Variants in EIF3B observed in about 807,000 individuals in gnomAD.
The protein encoded by EIF3B is eukaryotic translation initiation factor 3 subunit B.
A neutral mutation model predicts 104.6 loss-of-function variants in EIF3B; 10 were observed. The ratio of observed to expected loss-of-function variants is 0.10; its 90% CI spans 0.06 to 0.16. The LOEUF (loss-of-function observed/expected upper bound fraction) is 0.16. Ranked by LOEUF, EIF3B falls within the 10% of genes least tolerant of loss-of-function variation. The pLI is 1.00. For synonymous variants in EIF3B, 542 were observed against 417.2 expected, an observed-to-expected ratio of 1.30 and a Z score of -3.65; for missense variants, 1,014 against 1,087.9, an observed-to-expected ratio of 0.93 and a Z score of 0.96.
At position 2,364,386 on chromosome 7, in the gene EIF3B, G is replaced by A. The variant is rs751079442; in HGVS notation, c.1014G>A (p.Thr338=). The part of the protein sequence containing the change: ...SIEERARWTE[T]YVRWSPKGTY... ...TTTTTCTGCAGAGATGGACAGAGAC[G>A]TATGTGCGTTGGTCTCCTAAGGGCA... Residue 338 remains threonine (T), a synonymous_variant, in exon 6 of 19, where the codon ACG becomes ACA. Coordinates refer to ENST00000360876, the MANE Select transcript of EIF3B (RefSeq NM_001037283.2). 60 of 1,605,542 alleles carry A rather than the reference G, an allele frequency of 3.7e-5. No homozygotes were observed. Among genetic ancestry groups the A allele is most frequent in the Admixed American group, 8.6e-5 (5 of 58,128 alleles).
At chr7:2,368,938 A>G (rs999940439) in intron 9 of EIF3B, among the ~76,000 whole-genome samples, 2 of 152,260 alleles carry the variant, frequency 1.3e-5, no homozygotes, top group African/African-American at 4.8e-5. Flanking sequence ...AAAACAGCAC[A>G]TAGCGTGTAT....
At position 2,378,325 on chromosome 7, in the gene EIF3B, G is replaced by A. The variant is rs1297864256; in HGVS notation, c.2155-364G>A. ...AGGAACAGGCGAGCGTTCCTGGGAT[G>A]CTGTGTTGTGTGAATGACCCTTGGT... On this transcript the variant is annotated intron_variant, in intron 15 of 18. Transcript: ENST00000360876. 1.2e-5 allele frequency: 3 copies of A among 251,614 alleles called. No homozygotes were observed. The South Asian group carries it at 1.4e-4, about 12-fold the overall frequency. 15.6% of individuals were successfully genotyped at this position (251,614 alleles called of 1,614,324 possible). A position where few individuals can be genotyped will look rare whatever the true frequency, so the allele number is the denominator to read the frequency against.
Position 2,355,190 on chromosome 7 carries a change from A to T in EIF3B, c.269A>T (p.Glu90Val). 1 of 1,475,210 alleles carries T rather than the reference A, an allele frequency of 6.8e-7. No homozygotes were observed. The allele number at this position is 1,475,210 out of a possible 1,614,324, so 91.4% of individuals were successfully genotyped here. ...GAGTCGCCCTCGCCGCCGGCCGCCG[A>T]GGAGCTGCCCGGGTCGCATGCTGAG... ...PSESPSPPAA[E>V]ELPGSHAEPP... Residue 90 changes from glutamate (E) to valine (V), a missense_variant, in exon 1 of 19, where the codon GAG becomes GTG. This residue lies in a region of EIF3B where 488 missense variants were observed against 404.3 expected (regional missense o/e 1.21). Transcript: ENST00000360876.
rs995469072 is a variant in EIF3B, at chr7:2,354,889, C to G, written c.-33C>G. ...CTGGGAGAGTCGGAAGCGCGGCGGC[C>G]GCGGAGCCCTGCGAGTAGGCAGCGT... On this transcript the variant is annotated 5_prime_UTR_variant, in exon 1 of 19. Transcript: ENST00000360876. 1.7e-6 allele frequency: 2 copies of G among 1,161,514 alleles called. No homozygotes were observed. The highest frequency in any genetic ancestry group is 4.4e-5 in the East Asian group (1 of 22,978). The allele number at this position is 1,161,514 out of a possible 1,614,324, so 72.0% of individuals were successfully genotyped here.
In EIF3B at chr7:2,363,706, C is replaced by A. The variant is rs891517258; in HGVS notation, c.945C>A (p.Arg315=). ...GTGTGATTTTTGAGAGTGGAGACCGCACTTCCATATTCTGGAATGACGTAA... is the reference window on the plus strand; with the variant it reads ...GTGTGATTTTTGAGAGTGGAGACCGAACTTCCATATTCTGGAATGACGTAA... ...QYSVIFESGD[R]TSIFWNDVKD... is the part of the protein sequence containing the mutation. The change falls in exon 5 of 19, where the codon CGC becomes CGA. Residue 315 remains arginine, a synonymous_variant. Coordinates refer to ENST00000360876, the MANE Select transcript of EIF3B (RefSeq NM_001037283.2). 3.2e-5 allele frequency: 51 copies of A among 1,614,006 alleles called. No individual in the cohort carries two copies. Among genetic ancestry groups the A allele is most frequent in the Non-Finnish European group, 4.2e-5 (50 of 1,180,018 alleles).
chr7:2,354,786 C>A, upstream of EIF3B: 3 of 889,500 alleles, frequency 3.4e-6, no homozygotes, highest in Non-Finnish European at 4.1e-6. Context: ...GGGTGCGCCC[C>A]CCGCCCCGCG....
intron 1 of EIF3B, among the ~76,000 whole-genome samples, chr7:2,357,156 C>T (rs1238953524): frequency 3.3e-5 from 5 of 152,182 alleles, no homozygotes; most frequent in South Asian, 2.1e-4. Context: ...TATTTGAGCC[C>T]ATCGAATTCA....
chr7:2,358,938 A>G (rs1179495509), intron 1 of EIF3B, among the ~76,000 whole-genome samples: 1 of 152,076 alleles, frequency 6.6e-6, no homozygotes, highest in East Asian at 1.9e-4. Flanking sequence ...ATTTAATCTC[A>G]GTGGGGGTGG....
intron 10 of EIF3B, 30 bp downstream of exon 10, chr7:2,369,712 T>G (rs770205427): frequency 4.6e-5 from 74 of 1,604,838 alleles, no homozygotes; most frequent in Non-Finnish European, 6.2e-5. Context: ...AACTGACGAT[T>G]CCTTATCCTG....
intron 1 of EIF3B, 84 bp downstream of exon 1, chr7:2,355,504 C>A: frequency 7.2e-7 from 1 of 1,395,280 alleles, no homozygotes; most frequent in East Asian, 2.9e-5. Context: ...CGGGCTGTGC[C>A]ACCGGTTCGT....
rs3213656 is a variant in EIF3B at position 2,378,898 on chromosome 7, A to G, written c.2232+132A>G. 1.9e-3 allele frequency: 1,699 copies of G among 874,614 alleles called. 7 individuals are homozygous for G. The highest frequency in any genetic ancestry group is 0.017 in the East Asian group (658 of 37,756). The allele number at this position is 874,614 out of a possible 1,614,324, so 54.2% of individuals were successfully genotyped here. A position where few individuals can be genotyped will look rare whatever the true frequency, so the allele number is the denominator to read the frequency against. On this transcript the variant is annotated intron_variant, in intron 16 of 18. Coordinates refer to ENST00000360876, the MANE Select transcript of EIF3B (RefSeq NM_001037283.2). ...GAAGACACTGGTTCTGTTCCCCCCC[A>G]GGAGGGATGCACTGGGGAACTGGGG...
chr7:2,374,313 C>T (rs883667), intron 12 of EIF3B: 232,926 of 479,868 alleles, frequency 0.49, 60,929 homozygotes, highest in East Asian at 0.75. Flanking sequence ...TTTGAAATAC[C>T]CCTGTCGCAT....
intron 1 of EIF3B, among the ~76,000 whole-genome samples, chr7:2,357,270 G>C (rs1025233328): frequency 5.3e-5 from 8 of 152,148 alleles, no homozygotes; most frequent in Admixed American, 4.6e-4. Context: ...GGTCCTCAGC[G>C]GGCCCACGTG....
rs753397318 is a variant in EIF3B at position 2,372,083 on chromosome 7, G to A, written c.1687+234G>A. 51 of 488,962 alleles carry A rather than the reference G, an allele frequency of 1.0e-4. 2 individuals are homozygous for A. The Admixed American group carries it at 1.1e-3, about 11-fold the overall frequency. 30.3% of individuals were successfully genotyped at this position (488,962 alleles called of 1,614,324 possible). A position where few individuals can be genotyped will look rare whatever the true frequency, so the allele number is the denominator to read the frequency against. On this transcript the variant is annotated intron_variant, in intron 11 of 18. Coordinates refer to ENST00000360876, the MANE Select transcript of EIF3B (RefSeq NM_001037283.2). Reference sequence around the variant, plus strand: ...TTAGCCAGGTGTGGTGGTGCGCACCGATAGTCCCAGCTGTTTGAGACGCTG... The same window carrying A: ...TTAGCCAGGTGTGGTGGTGCGCACCAATAGTCCCAGCTGTTTGAGACGCTG...
At chr7:2,355,672 T>C (rs1038628094) in intron 1 of EIF3B, among the ~76,000 whole-genome samples, 1 of 152,138 alleles carries the variant, frequency 6.6e-6, no homozygotes, top group Admixed American at 6.6e-5. Flanking sequence ...GGCATTTGCA[T>C]GACAACCAGA....
At chr7:2,360,341 A>G (rs2115284904) in intron 1 of EIF3B, among the ~76,000 whole-genome samples, 1 of 152,348 alleles carries the variant, frequency 6.6e-6, no homozygotes, top group Middle Eastern at 3.4e-3. Context: ...TGTTGCAACA[A>G]ACCTTTCAAA....
Position 2,372,798 on chromosome 7 carries a change from A to G in EIF3B, c.1810+3A>G. 1.9e-6 allele frequency: 3 copies of G among 1,613,622 alleles called. No individual in the cohort carries two copies. The highest frequency in any genetic ancestry group is 2.5e-6 in the Non-Finnish European group (3 of 1,179,716). On this transcript the variant is annotated splice_donor_region_variant and intron_variant, in intron 12 of 18. Transcript: ENST00000360876. ...CAACGGGAAGATTGAACTCATCAGT[A>G]AGTAACCTGGTCCCTTTCCTCTTCT...
In EIF3B at chr7:2,375,373, C is replaced by T. The variant is rs773668522; in HGVS notation, c.1890-16C>T. The T allele has an allele frequency of 8.1e-6, 13 of 1,613,696 alleles. No individual in the cohort carries two copies. The Admixed American group carries it at 1.3e-4, about 17-fold the overall frequency. On this transcript the variant is annotated splice_polypyrimidine_tract_variant and intron_variant, in intron 13 of 18. Coordinates refer to ENST00000360876, the MANE Select transcript of EIF3B (RefSeq NM_001037283.2). ...TGCGTCTCCATGAAGCCTGACGGTCCTGTCTGTCTTTGCAGTATGAACGGT... is the reference window on the plus strand; with the variant it reads ...TGCGTCTCCATGAAGCCTGACGGTCTTGTCTGTCTTTGCAGTATGAACGGT...
intron 1 of EIF3B, among the ~76,000 whole-genome samples, chr7:2,357,746 A>G (rs1344321759): frequency 6.6e-6 from 1 of 152,198 alleles, no homozygotes; most frequent in Non-Finnish European, 1.5e-5. Flanking sequence ...GCTGAGAGTG[A>G]TCAAGGCGTT....
Sources: allele counts gnomAD v4.1 joint callset (sites outside exome capture counted in the v4.1 genomes callset), GRCh38; gene constraint gnomAD v4.1.1; regional missense constraint gnomAD v4.1.1; transcripts MANE v1.5; gene names NCBI Gene and HGNC (gene_info 2026-07-23, HGNC 2026-07-21).